Variants in FHOD3 observed in about 807,000 individuals in gnomAD.
FHOD3 encodes the protein formin homology 2 domain containing 3.
Under a neutral mutation model 173.0 loss-of-function variants are expected in FHOD3, and 90 were observed. The observed-to-expected ratio is 0.52, with a 90% CI of 0.44 to 0.62. The LOEUF is 0.62. FHOD3 is among the 20% of genes least tolerant of loss of function. FHOD3 has a pLI of 0.00. For synonymous variants in FHOD3, 828 were observed against 823.0 expected (o/e 1.01, Z -0.10); for missense variants, 1,945 against 2,034.7 (o/e 0.96, Z 0.85).
At chr18:36,638,889 T>C (rs1172567045) in intron 10 of FHOD3, among the ~76,000 whole-genome samples, 1 of 152,086 alleles carries the variant, frequency 6.6e-6, no homozygotes, top group African/African-American at 2.4e-5. Context: ...TCTCTTCCCA[T>C]AAGTGAAAAA....
chr18:36,402,700 G>A (rs1050765009), intron 3 of FHOD3, among the ~76,000 whole-genome samples: 2 of 152,096 alleles, frequency 1.3e-5, no homozygotes, highest in Admixed American at 6.6e-5. Context: ...TGTGTGATCC[G>A]TTTGAGCCTT....
At chr18:36,340,828 A>G (rs2045576148) in intron 1 of FHOD3, among the ~76,000 whole-genome samples, 1 of 151,698 alleles carries the variant, frequency 6.6e-6, no homozygotes, top group Non-Finnish European at 1.5e-5. Flanking sequence ...TAGTAGAGAC[A>G]GGGTTTCACC....
chr18:36,730,590 G>T (rs2041306551), intron 19 of FHOD3, 56 bp from the exon 20 acceptor site: 1 of 1,556,964 alleles, frequency 6.4e-7, no homozygotes, highest in Admixed American at 1.9e-5. Flanking sequence ...ATAATGAAAT[G>T]CAGAAAGGAC....
intron 2 of FHOD3, among the ~76,000 whole-genome samples, chr18:36,360,161 C>A (rs1346427938): frequency 2.0e-5 from 3 of 152,204 alleles, no homozygotes; most frequent in Non-Finnish European, 4.4e-5. Flanking sequence ...GGCTTTTAGG[C>A]AAGCCCTGGA....
At chr18:36,478,249 C>CT (rs1242586517) in intron 3 of FHOD3, among the ~76,000 whole-genome samples, 1 of 152,062 alleles carries the variant, frequency 6.6e-6, no homozygotes, top group Admixed American at 6.5e-5. Flanking sequence ...ATTGTCACAT[C>CT]TTTTTTTGAT....
At chr18:36,769,463 A>G (rs2150371836) in intron 28 of FHOD3, 37 bp downstream of exon 28, 1 of 1,601,312 alleles carries the variant, frequency 6.2e-7, no homozygotes, top group South Asian at 1.1e-5. Flanking sequence ...CTTCACCCCT[A>G]CAGGGATCTG....
At chr18:36,449,263 A>C (rs2051682526) in intron 3 of FHOD3, among the ~76,000 whole-genome samples, 1 of 151,640 alleles carries the variant, frequency 6.6e-6, no homozygotes, top group Non-Finnish European at 1.5e-5. Context: ...AGATAATTGA[A>C]ATGGTACATA....
intron 1 of FHOD3, among the ~76,000 whole-genome samples, chr18:36,352,933 AAT>A (rs1416802145): frequency 6.6e-6 from 1 of 152,206 alleles, no homozygotes; most frequent in Admixed American, 6.5e-5. Flanking sequence ...CAACAGGTCC[AAT>A]TTCCATTGGA....
chr18:36,458,799 A>G (rs1175708267), intron 3 of FHOD3, among the ~76,000 whole-genome samples: 4 of 146,452 alleles, frequency 2.7e-5, no homozygotes, highest in Admixed American at 2.1e-4. Flanking sequence ...CTTTTCTTTT[A>G]ATTTTCAAAT....
chr18:36,374,645 C>T (rs2047348556), intron 3 of FHOD3, among the ~76,000 whole-genome samples: 1 of 152,212 alleles, frequency 6.6e-6, no homozygotes, highest in Non-Finnish European at 1.5e-5. Flanking sequence ...TAAGCATCTT[C>T]AGCTCCGCTG....
intron 3 of FHOD3, among the ~76,000 whole-genome samples, chr18:36,388,106 CTTTGCCTT>C (rs148708092): frequency 0.043 from 6,608 of 152,126 alleles, 476 homozygotes; most frequent in African/African-American, 0.15. Context: ...TTACTTTAAT[CTTTGCCTT>C]TTTGCCTTTT....
At chr18:36,473,920 G>T (rs910556623) in intron 3 of FHOD3, among the ~76,000 whole-genome samples, 4 of 152,196 alleles carry the variant, frequency 2.6e-5, no homozygotes, top group African/African-American at 9.6e-5. Context: ...TTGGGTATTA[G>T]TAATATACTT....
chr18:36,432,941 C>T (rs1402700490), intron 3 of FHOD3, among the ~76,000 whole-genome samples: 4 of 152,074 alleles, frequency 2.6e-5, no homozygotes, highest in Non-Finnish European at 5.9e-5. Context: ...TGTCTTTAGC[C>T]CACACATTGA....
At chr18:36,389,899 G>T (rs538851443) in intron 3 of FHOD3, among the ~76,000 whole-genome samples, 2 of 152,222 alleles carry the variant, frequency 1.3e-5, no homozygotes, top group East Asian at 1.9e-4. Context: ...GACCCTCAAG[G>T]TCACCTGCCC....
chr18:36,434,421 G>A (rs1458629852), intron 3 of FHOD3, among the ~76,000 whole-genome samples: 1 of 152,142 alleles, frequency 6.6e-6, no homozygotes, highest in Admixed American at 6.6e-5. Context: ...TGCTCTGTGT[G>A]TTCATGCTTA....
Position 36,652,670 on chromosome 18 carries a change from C to T in FHOD3, c.1387C>T (p.Pro463Ser). Reference protein sequence around the residue: ...AVSNASSQGKPLLVGTAGGTT... With the variant: ...AVSNASSQGKSLLVGTAGGTT... Reference sequence around the variant, plus strand: ...CTCGAATGCCAGCTCGCAGGGAAAGCCGCTTCTGGTTGGCACTGCAGGCGG... The same window carrying T: ...CTCGAATGCCAGCTCGCAGGGAAAGTCGCTTCTGGTTGGCACTGCAGGCGG... The change falls in exon 12 of 29, where the codon CCG becomes TCG. Residue 463 changes from proline to serine, a missense_variant. This residue lies in a region of FHOD3 where 1,099 missense variants were observed against 1,051.2 expected (regional missense o/e 1.05). Transcript: ENST00000590592. The T allele has an allele frequency of 2.0e-6, 3 of 1,535,720 alleles. No homozygotes were observed. Among genetic ancestry groups the T allele is most frequent in the Non-Finnish European group, 2.6e-6 (3 of 1,146,666 alleles).
chr18:36,668,662 A>G (rs1297029502), intron 14 of FHOD3, among the ~76,000 whole-genome samples: 1 of 151,876 alleles, frequency 6.6e-6, no homozygotes, highest in Non-Finnish European at 1.5e-5. Context: ...GCATTCCACA[A>G]AGTTTAATAT....
At chr18:36,687,036 T>G in intron 15 of FHOD3, 92 bp from the exon 16 acceptor site, 18 of 935,522 alleles carry the variant, frequency 1.9e-5, no homozygotes, top group Non-Finnish European at 2.8e-5. Context: ...CAGTCTTTCA[T>G]GATATACTGT....
chr18:36,535,994 T>C (rs2056977381), intron 5 of FHOD3, among the ~76,000 whole-genome samples: 1 of 152,228 alleles, frequency 6.6e-6, no homozygotes, highest in African/African-American at 2.4e-5. Context: ...ACAATGTTTT[T>C]ATAACTCAGA....
Sources: allele counts gnomAD v4.1 joint callset (sites outside exome capture counted in the v4.1 genomes callset), GRCh38; gene constraint gnomAD v4.1.1; regional missense constraint gnomAD v4.1.1; transcripts MANE v1.5; gene names NCBI Gene and HGNC (gene_info 2026-07-23, HGNC 2026-07-21).